PMEPA1: variants seen among roughly 807,000 people sequenced by gnomAD.
PMEPA1 encodes the protein prostate transmembrane protein, androgen induced 1.
PMEPA1 carries 11 observed loss-of-function variants against 23.0 expected under a neutral mutation model. That is an observed-to-expected ratio of 0.48 (90% CI 0.30 to 0.79). The LOEUF is 0.79. Ranked by LOEUF, PMEPA1 falls within the 30% of genes least tolerant of loss-of-function variation. The pLI is 0.06. For missense variants in PMEPA1, 377 were observed against 390.9 expected (o/e 0.96, Z 0.30); for synonymous variants, 204 against 166.4 (o/e 1.23, Z -1.74).
At chr20:57,701,693 C>G (rs2072013578) in intron 1 of PMEPA1, among the ~76,000 whole-genome samples, 1 of 152,172 alleles carries the variant, frequency 6.6e-6, no homozygotes, top group African/African-American at 2.4e-5. Context: ...GAACAGATGT[C>G]ATTCTTCCTT....
At chr20:57,705,812 G>C (rs1021054030) in intron 1 of PMEPA1, among the ~76,000 whole-genome samples, 1 of 152,196 alleles carries the variant, frequency 6.6e-6, no homozygotes, top group Non-Finnish European at 1.5e-5. Context: ...TCAAACCTGG[G>C]AGAGGGGTGC....
chr20:57,653,485 C>T (rs1221401147), intron 2 of PMEPA1, among the ~76,000 whole-genome samples: 1 of 152,242 alleles, frequency 6.6e-6, no homozygotes, highest in African/African-American at 2.4e-5. Context: ...GGCTGTGTGA[C>T]CTGCGTCAAG....
intron 1 of PMEPA1, chr20:57,690,628 G>A: frequency 8.4e-7 from 1 of 1,196,568 alleles, no homozygotes; most frequent in South Asian, 1.5e-5. Context: ...TGGAGAGCAG[G>A]CGCGCACCCC....
At chr20:57,653,921 T>A (rs1247344809) in intron 2 of PMEPA1, among the ~76,000 whole-genome samples, 1 of 152,074 alleles carries the variant, frequency 6.6e-6, no homozygotes, top group Non-Finnish European at 1.5e-5. Flanking sequence ...TCTCCCTTGA[T>A]CTAGTGAGCC....
chr20:57,707,016 G>A (rs1327520854), intron 1 of PMEPA1, among the ~76,000 whole-genome samples: 2 of 152,180 alleles, frequency 1.3e-5, no homozygotes, highest in Admixed American at 6.5e-5. Flanking sequence ...GATGAAGACA[G>A]TGAGGCCCAT....
intron 1 of PMEPA1, among the ~76,000 whole-genome samples, chr20:57,686,863 C>G (rs1490178345): frequency 6.6e-6 from 1 of 152,234 alleles, no homozygotes; most frequent in Admixed American, 6.5e-5. Context: ...CCACCAAAAA[C>G]AGCTGTCTAC....
intron 1 of PMEPA1, among the ~76,000 whole-genome samples, chr20:57,676,039 G>A (rs1040021994): frequency 6.6e-6 from 1 of 152,250 alleles, no homozygotes; most frequent in Non-Finnish European, 1.5e-5. Context: ...TCTTCCAGAA[G>A]CAGAAAATCC....
At position 57,652,404 on chromosome 20, in the gene PMEPA1, G is replaced by T. The variant is rs768910118; in HGVS notation, c.513C>A (p.Asp171Glu). The stretch of plus-strand genomic sequence containing the variant: ...GGTTCAGTTCCAGCTGCTGCTCGGG[G>T]TCCCGAAGCTGGAGGGTGCAGGGGC... ...YQGPCTLQLR[D>E]PEQQLELNRE... The change falls in exon 4 of 4, where the codon GAC becomes GAA. Residue 171 changes from aspartate to glutamate, a missense_variant. Asp to Glu is a conservative substitution (Grantham distance 45). Transcript: ENST00000341744. The surrounding 1 kb of genome is among the most constrained non-coding windows in gnomAD (Gnocchi z 6.1). 1.2e-6 allele frequency: 2 copies of T among 1,613,810 alleles called. No homozygotes were observed. Among genetic ancestry groups the T allele is most frequent in the South Asian group, 2.2e-5 (2 of 91,080 alleles).
intron 1 of PMEPA1, among the ~76,000 whole-genome samples, chr20:57,680,285 G>A (rs1211897373): frequency 6.6e-6 from 1 of 152,260 alleles, no homozygotes; most frequent in Non-Finnish European, 1.5e-5. Flanking sequence ...GCATTCTGCA[G>A]ATGAAGGGAC....
At chr20:57,659,120 C>A (rs2071369913) in intron 2 of PMEPA1, among the ~76,000 whole-genome samples, 1 of 152,204 alleles carries the variant, frequency 6.6e-6, no homozygotes, top group South Asian at 2.1e-4. Context: ...CGCAGAGGCT[C>A]CCCCAGGTCC....
At chr20:57,693,961 C>CT (rs1309064461) in intron 1 of PMEPA1, among the ~76,000 whole-genome samples, 2 of 152,212 alleles carry the variant, frequency 1.3e-5, no homozygotes, top group Non-Finnish European at 2.9e-5. Flanking sequence ...GGGAGCATCT[C>CT]TGAGCTTTCT....
At chr20:57,673,035 C>G (rs984615110) in intron 1 of PMEPA1, among the ~76,000 whole-genome samples, 5 of 152,182 alleles carry the variant, frequency 3.3e-5, no homozygotes, top group Non-Finnish European at 5.9e-5. Context: ...AAGTATCAGC[C>G]GCCAGTAAGA....
chr20:57,671,979 T>C (rs1287962980), intron 1 of PMEPA1, among the ~76,000 whole-genome samples: 1 of 152,258 alleles, frequency 6.6e-6, no homozygotes, highest in Non-Finnish European at 1.5e-5. Flanking sequence ...TGGCAATTAT[T>C]GTGGGGCAGA....
chr20:57,664,780 C>A (rs2071470392), intron 1 of PMEPA1, among the ~76,000 whole-genome samples: 1 of 152,232 alleles, frequency 6.6e-6, no homozygotes, highest in African/African-American at 2.4e-5. Context: ...TCCTTTAAGG[C>A]TGGAACCTCA....
At chr20:57,701,757 G>C (rs532145268) in intron 1 of PMEPA1, among the ~76,000 whole-genome samples, 1 of 152,140 alleles carries the variant, frequency 6.6e-6, no homozygotes, top group Non-Finnish European at 1.5e-5. Flanking sequence ...CTCACCCCCA[G>C]AATGAAGGTC....
chr20:57,679,415 C>A (rs954308214), intron 1 of PMEPA1, among the ~76,000 whole-genome samples: 3 of 152,180 alleles, frequency 2.0e-5, no homozygotes, highest in African/African-American at 7.2e-5. Flanking sequence ...GCATAGACAA[C>A]GTGAACTTGA....
At chr20:57,688,196 C>T (rs1347138300) in intron 1 of PMEPA1, among the ~76,000 whole-genome samples, 3 of 152,240 alleles carry the variant, frequency 2.0e-5, no homozygotes, top group Admixed American at 6.5e-5. Flanking sequence ...CTCCGTTTTC[C>T]TCCTCAGGTC....
rs1301808300 is a variant in PMEPA1 at position 57,704,596 on chromosome 20, G to A, written c.109+4878C>T. Reference sequence around the variant, plus strand: ...TTTGGGCAGGATCCCAGACACCGAGGTGCCTGCAAACTTGGTCTCTGGATG... The same window carrying A: ...TTTGGGCAGGATCCCAGACACCGAGATGCCTGCAAACTTGGTCTCTGGATG... On this transcript the variant is annotated intron_variant, in intron 1 of 3. Transcript: ENST00000341744. The surrounding 1 kb of genome is among the most constrained non-coding windows in gnomAD (Gnocchi z 4.6). Among the ~76,000 whole-genome samples the A allele has an allele frequency of 6.6e-6, 1 of 152,198 alleles. No homozygotes were observed. Among genetic ancestry groups the A allele is most frequent in the East Asian group, 1.9e-4 (1 of 5,202 alleles).
chr20:57,671,783 A>T (rs2071571763), intron 1 of PMEPA1, among the ~76,000 whole-genome samples: 1 of 152,206 alleles, frequency 6.6e-6, no homozygotes. Context: ...CAGGGTGTTC[A>T]GCAGCAACCT....
Sources: allele counts gnomAD v4.1 joint callset (sites outside exome capture counted in the v4.1 genomes callset), GRCh38; gene constraint gnomAD v4.1.1; non-coding constraint Gnocchi (gnomAD v3.1); transcripts MANE v1.5; gene names NCBI Gene and HGNC (gene_info 2026-07-23, HGNC 2026-07-21).